Variants in PHTF2 observed in about 807,000 individuals in gnomAD.
PHTF2 encodes putative homeodomain transcription factor 2.
In PHTF2, 60 loss-of-function variants were observed where a neutral mutation model predicts 101.2. The observed-to-expected ratio is 0.59, with a 90% CI of 0.48 to 0.73. The LOEUF is 0.73. PHTF2 is among the 30% of genes least tolerant of loss of function. The pLI, the probability that PHTF2 is intolerant of heterozygous loss-of-function variation, is 0.00. For synonymous variants in PHTF2, 311 were observed against 307.3 expected, an observed-to-expected ratio of 1.01 and a Z score of -0.13; for missense variants, 747 against 908.7, an observed-to-expected ratio of 0.82 and a Z score of 2.29.
At chr7:77,815,634 G>C (rs936708290) in intron 1 of PHTF2, among the ~76,000 whole-genome samples, 2 of 152,306 alleles carry the variant, frequency 1.3e-5, no homozygotes, top group East Asian at 1.9e-4. Context: ...CATTCATAAT[G>C]ATACATGTTT....
At chr7:77,807,890 A>G (rs535543610) in intron 1 of PHTF2, among the ~76,000 whole-genome samples, 134 of 152,216 alleles carry the variant, frequency 8.8e-4, no homozygotes, top group African/African-American at 3.1e-3. Flanking sequence ...GTGTAAGATA[A>G]AGGTCCACCT....
intron 16 of PHTF2, among the ~76,000 whole-genome samples, chr7:77,946,973 AG>A (rs1806099570): frequency 6.6e-6 from 1 of 151,344 alleles, no homozygotes; most frequent in East Asian, 1.9e-4. Flanking sequence ...AAAAAAAAAA[AG>A]CCAGACATGG....
intron 12 of PHTF2, among the ~76,000 whole-genome samples, chr7:77,935,214 CTTTTTTTT>C (rs1158677069): frequency 1.0e-4 from 6 of 59,248 alleles, no homozygotes; most frequent in Non-Finnish European, 1.6e-4. Context: ...GTAATTTACC[CTTTTTTTT>C]TTTTTTTTTT....
chr7:77,940,134 C>T (rs566004990), exon 14 of PHTF2: 7 of 1,613,852 alleles, frequency 4.3e-6, no homozygotes, highest in Non-Finnish European at 5.1e-6. Flanking sequence ...AAGCTACAGA[C>T]TTGGAACAAC....
chr7:77,888,861 A>T (rs76513471), intron 3 of PHTF2, among the ~76,000 whole-genome samples: 3 of 98,284 alleles, frequency 3.1e-5, no homozygotes, highest in Non-Finnish European at 6.0e-5. Context: ...TCAACAAATT[A>T]AAAAAAAAAA....
chr7:77,800,672 G>A (rs1792466298), intron 1 of PHTF2, among the ~76,000 whole-genome samples: 1 of 152,136 alleles, frequency 6.6e-6, no homozygotes, highest in African/African-American at 2.4e-5. Flanking sequence ...ATGCAAAATT[G>A]CAAGGAATAT....
chr7:77,940,553 G>T, exon 15 of PHTF2: 2 of 1,604,674 alleles, frequency 1.2e-6, no homozygotes, highest in Non-Finnish European at 8.5e-7. Flanking sequence ...AAACTCTTTG[G>T]ACATTTAACA....
intron 3 of PHTF2, among the ~76,000 whole-genome samples, chr7:77,892,721 G>C (rs557709584): frequency 3.9e-5 from 6 of 152,236 alleles, no homozygotes; most frequent in African/African-American, 1.4e-4. Context: ...ACTTGGGTGG[G>C]AACAATAAAG....
At chr7:77,909,473 A>G (rs1802171132) in intron 8 of PHTF2, 1 of 151,044 alleles carries the variant, frequency 6.6e-6, no homozygotes. Context: ...TGATCCTCTC[A>G]CCTCATCCTC....
At chr7:77,936,870 C>T (rs550120066) in intron 12 of PHTF2, among the ~76,000 whole-genome samples, 2 of 151,682 alleles carry the variant, frequency 1.3e-5, no homozygotes, top group Non-Finnish European at 2.9e-5. Context: ...TGGGGCTGGG[C>T]GCAGTGGTTC....
At chr7:77,804,274 T>C (rs534458928) in intron 1 of PHTF2, among the ~76,000 whole-genome samples, 9 of 152,214 alleles carry the variant, frequency 5.9e-5, no homozygotes, top group Non-Finnish European at 1.3e-4. Context: ...CCTATCTTCT[T>C]GTTCCTAAAT....
chr7:77,809,605 G>A lies in PHTF2; in HGVS notation c.-36+10634G>A, dbSNP rs528922624. Among the ~76,000 whole-genome samples the A allele has an allele frequency of 3.3e-5, 5 of 152,288 alleles. No homozygotes were observed. The South Asian group carries it at 1.0e-3, about 32-fold the overall frequency. ...ATATGTCTGTATAATTTCTAAGGGA[G>A]ATTAATAGATTAATGAGAAGTGTTT... is the stretch of plus-strand genomic sequence containing the variant. On this transcript the variant is annotated intron_variant, in intron 1 of 19. Coordinates refer to ENST00000416283, the Ensembl canonical transcript of PHTF2.
At chr7:77,945,673 A>AT (rs1024682900) in intron 16 of PHTF2, among the ~76,000 whole-genome samples, 41 of 152,094 alleles carry the variant, frequency 2.7e-4, no homozygotes, top group Non-Finnish European at 8.8e-5. Flanking sequence ...ACAATTGAGA[A>AT]TTTTTTTTAA....
chr7:77,803,145 T>A (rs376903252), intron 1 of PHTF2, among the ~76,000 whole-genome samples: 14 of 152,298 alleles, frequency 9.2e-5, no homozygotes, highest in East Asian at 7.7e-4. Flanking sequence ...TGCTGGATTT[T>A]ATTCTGGGTA....
At chr7:77,842,413 AG>A (rs1242840780) in intron 2 of PHTF2, among the ~76,000 whole-genome samples, 2 of 152,188 alleles carry the variant, frequency 1.3e-5, no homozygotes, top group Non-Finnish European at 1.5e-5. Context: ...CATGTTGCCC[AG>A]GCTTATCACA....
chr7:77,841,561 C>G (rs990231444), intron 2 of PHTF2, among the ~76,000 whole-genome samples: 1 of 152,100 alleles, frequency 6.6e-6, no homozygotes, highest in Non-Finnish European at 1.5e-5. Context: ...ACCTCTTGGG[C>G]TCATGTGGTC....
exon 20 of PHTF2, chr7:77,956,677 T>C (rs887308163): frequency 6.6e-6 from 1 of 152,602 alleles, no homozygotes; most frequent in Admixed American, 6.5e-5. Context: ...ATAAGGTACA[T>C]GCCTATACAG....
chr7:77,799,659 T>C (rs911777263), intron 1 of PHTF2, among the ~76,000 whole-genome samples: 1 of 152,242 alleles, frequency 6.6e-6, no homozygotes, highest in Non-Finnish European at 1.5e-5. Flanking sequence ...CATTCTGGTA[T>C]TGTCCTTCGA....
chr7:77,830,229 G>T (rs890588789), intron 1 of PHTF2, among the ~76,000 whole-genome samples: 1 of 152,122 alleles, frequency 6.6e-6, no homozygotes, highest in Admixed American at 6.5e-5. Context: ...ATCTGTGAGG[G>T]TTATATTCCA....
Sources: gnomAD v4.1 joint callset for allele counts (sites outside exome capture counted in the v4.1 genomes callset) on GRCh38, gnomAD v4.1.1 for gene constraint, MANE v1.5 for transcripts, NCBI Gene and HGNC (gene_info 2026-07-23, HGNC 2026-07-21) for gene names.